The following FN3KRP variants were observed in gnomAD, a reference collection of about 807,000 sequenced individuals.
The protein encoded by FN3KRP is ketosamine-3-kinase.
Under a neutral mutation model 29.8 loss-of-function variants are expected in FN3KRP, and 33 were observed. That is an observed-to-expected ratio of 1.11 (90% confidence interval 0.84 to 1.48). The LOEUF (loss-of-function observed/expected upper bound fraction) is 1.48, where lower values mean the gene tolerates loss of function less well. Ranked by LOEUF, FN3KRP falls within the 40% of genes most tolerant of loss-of-function variation. FN3KRP has a pLI of 0.00. For synonymous variants in FN3KRP, 157 were observed against 155.2 expected (o/e 1.01, Z -0.09); for missense variants, 430 against 402.6 (o/e 1.07, Z -0.58).
At chr17:82,723,592 T>C (rs74000023) in intron 4 of FN3KRP, among the ~76,000 whole-genome samples, 2,067 of 152,162 alleles carry the variant, frequency 0.014, 18 homozygotes, top group African/African-American at 0.027. Context: ...TGCATATGTG[T>C]GCATGTGTAT....
chr17:82,718,943 C>T lies in FN3KRP; in HGVS notation c.179C>T (p.Thr60Ile), dbSNP rs772306011. ...TTTGAAGGTGAGATGGCAAGTTTAACTGCCATCCTGAAAACAAACACGGTG... is the reference window on the plus strand; with the variant it reads ...TTTGAAGGTGAGATGGCAAGTTTAATTGCCATCCTGAAAACAAACACGGTG... ...RMFEGEMASL[T>I]AILKTNTVKV... Residue 60 changes from threonine (T) to isoleucine (I), a missense_variant, in exon 2 of 6, where the codon ACT becomes ATT. Coordinates refer to ENST00000269373, the MANE Select transcript of FN3KRP (RefSeq NM_024619.4). The T allele has an allele frequency of 1.2e-6, 2 of 1,614,168 alleles. No individual in the cohort carries two copies. The highest frequency in any genetic ancestry group is 4.5e-5 in the East Asian group (2 of 44,886).
chr17:82,719,711 C>T (rs12946071), intron 2 of FN3KRP, among the ~76,000 whole-genome samples: 29,243 of 151,266 alleles, frequency 0.19, 2,907 homozygotes, highest in Admixed American at 0.24. Flanking sequence ...GCTGAGATCG[C>T]ACCACTGCAC....
At position 82,726,514 on chromosome 17, in the gene FN3KRP, A is replaced by G. The variant is rs776142407; in HGVS notation, c.503A>G (p.Tyr168Cys). 1.9e-6 allele frequency: 3 copies of G among 1,614,116 alleles called. No individual in the cohort carries two copies. Among genetic ancestry groups the G allele is most frequent in the East Asian group, 2.2e-5 (1 of 44,872 alleles). Residue 168 changes from tyrosine to cysteine, a missense_variant, in exon 5 of 6, where the codon TAT becomes TGT. Tyr to Cys is a radical substitution (Grantham distance 194). Coordinates refer to ENST00000269373, the MANE Select transcript of FN3KRP (RefSeq NM_024619.4). The stretch of plus-strand genomic sequence containing the variant: ...TGGCAGGAGGACTGGGTCGTGTTCT[A>G]TGCCCGGCAGCGCATTCAGCCCCAG... Reference protein sequence around the residue: ...NDWQEDWVVFYARQRIQPQMD... With the variant: ...NDWQEDWVVFCARQRIQPQMD...
At position 82,716,707 on chromosome 17, in the gene FN3KRP, T is replaced by C. The variant is rs2046755635; in HGVS notation, c.-49T>C. 7.0e-7 allele frequency: 1 copy of C among 1,426,976 alleles called. No homozygotes were observed. The highest frequency in any genetic ancestry group is 9.1e-7 in the Non-Finnish European group (1 of 1,095,226). The allele number at this position is 1,426,976 out of a possible 1,614,324, so 88.4% of individuals were successfully genotyped here. A position where few individuals can be genotyped will look rare whatever the true frequency, so the allele number is the denominator to read the frequency against. On this transcript the variant is annotated 5_prime_UTR_variant, in exon 1 of 6. Coordinates refer to ENST00000269373, the MANE Select transcript of FN3KRP (RefSeq NM_024619.4). ...CATGTTTGCCCGCTCGGCCGCCGTCTCTCGAGTCTCCGCCAGATCCGGGGC... is the reference window on the plus strand; with the variant it reads ...CATGTTTGCCCGCTCGGCCGCCGTCCCTCGAGTCTCCGCCAGATCCGGGGC...
intron 4 of FN3KRP, 138 bp from the exon 5 acceptor site, chr17:82,726,342 C>G (rs191819554): frequency 1.1e-5 from 11 of 1,035,284 alleles, no homozygotes; most frequent in South Asian, 4.6e-5. Context: ...GTGGTTCCCC[C>G]CTCAGGCTCC....
intron 3 of FN3KRP, among the ~76,000 whole-genome samples, chr17:82,722,421 C>T (rs1032946961): frequency 6.6e-6 from 1 of 152,254 alleles, no homozygotes; most frequent in Non-Finnish European, 1.5e-5. Flanking sequence ...TTAAGAACAT[C>T]CTCCCCTTTG....
rs191819554 is a variant in FN3KRP, at chr17:82,726,342, C to T, written c.469-138C>T. On this transcript the variant is annotated intron_variant, in intron 4 of 5. Transcript: ENST00000269373. ...GGTTCCTCCTGGGATGTGGTTCCCC[C>T]CTCAGGCTCCTGTGACTGCCACCCC... The T allele has an allele frequency of 3.6e-3, 3,744 of 1,035,224 alleles. 4 individuals carry two copies. The highest frequency in any genetic ancestry group is 4.5e-3 in the Non-Finnish European group (3,149 of 699,978). 64.1% of individuals were successfully genotyped at this position (1,035,224 alleles called of 1,614,324 possible).
intron 4 of FN3KRP, among the ~76,000 whole-genome samples, chr17:82,725,672 T>C (rs1262513800): frequency 6.6e-6 from 1 of 152,152 alleles, no homozygotes; most frequent in Non-Finnish European, 1.5e-5. Flanking sequence ...CTTTCAAAAT[T>C]TTAAATGGAC....
chr17:82,717,545 C>CCT (rs1334194166), intron 1 of FN3KRP, among the ~76,000 whole-genome samples: 1 of 151,762 alleles, frequency 6.6e-6, no homozygotes, highest in Non-Finnish European at 1.5e-5. Context: ...AGGTGAAACC[C>CCT]CCGTCTCTAT....
intron 4 of FN3KRP, among the ~76,000 whole-genome samples, chr17:82,724,699 T>C (rs992102499): frequency 6.6e-6 from 1 of 152,160 alleles, no homozygotes; most frequent in Non-Finnish European, 1.5e-5. Context: ...AAAAGTGTGC[T>C]GCATGTGTGC....
rs1168012677 is a variant in FN3KRP at position 82,718,755 on chromosome 17, G to A, written c.142-151G>A. 4 of 1,219,226 alleles carry A rather than the reference G, an allele frequency of 3.3e-6. No individual in the cohort carries two copies. The African/African-American group carries it at 4.5e-5, about 14-fold the overall frequency. The allele number at this position is 1,219,226 out of a possible 1,614,324, so 75.5% of individuals were successfully genotyped here. ...CCTGTAGCCTACCCTGTTGGCAAGT[G>A]TGTTTGAAAACACTGTCCATGTGTA... On this transcript the variant is annotated intron_variant, in intron 1 of 5. Transcript: ENST00000269373.
rs758772179 is a variant in FN3KRP at position 82,726,815 on chromosome 17, C to G, written c.592-18C>G. The G allele has an allele frequency of 2.0e-6, 3 of 1,523,414 alleles. No individual in the cohort carries two copies. Among genetic ancestry groups the G allele is most frequent in the Non-Finnish European group, 2.6e-6 (3 of 1,137,812 alleles). 94.4% of individuals were successfully genotyped at this position (1,523,414 alleles called of 1,614,324 possible). A position where few individuals can be genotyped will look rare whatever the true frequency, so the allele number is the denominator to read the frequency against. On this transcript the variant is annotated intron_variant, in intron 5 of 5. Transcript: ENST00000269373. The stretch of plus-strand genomic sequence containing the variant: ...ACGCGTTGATCAATTTGCTGAGGCT[C>G]CATTTTCCTCCCTGCAGTTAAAGAT...
chr17:82,724,076 T>C (rs762866731), intron 4 of FN3KRP, among the ~76,000 whole-genome samples: 6 of 152,068 alleles, frequency 3.9e-5, no homozygotes, highest in Non-Finnish European at 7.4e-5. Flanking sequence ...GAGGATTGCT[T>C]GAGCCCAGCA....
At position 82,726,531 on chromosome 17, in the gene FN3KRP, C is replaced by T. The variant is rs756425999; in HGVS notation, c.520C>T (p.Gln174Ter). 6 of 1,614,050 alleles carry T rather than the reference C, an allele frequency of 3.7e-6. No homozygotes were observed. Among genetic ancestry groups the T allele is most frequent in the Middle Eastern group, 1.6e-4 (1 of 6,084 alleles). Reference sequence around the variant, plus strand: ...CGTGTTCTATGCCCGGCAGCGCATTCAGCCCCAGATGGACATGGTGGAGAA... The same window carrying T: ...CGTGTTCTATGCCCGGCAGCGCATTTAGCCCCAGATGGACATGGTGGAGAA... ...WVVFYARQRI[Q>*]PQMDMVEKES... is the part of the protein sequence containing the mutation. Residue 174 changes from glutamine to a stop codon, truncating the protein, a stop_gained, in exon 5 of 6, where the codon CAG (glutamine) becomes TAG (stop). Transcript: ENST00000269373. LOFTEE classifies it high-confidence loss of function.
chr17:82,717,651 A>G (rs921128125), intron 1 of FN3KRP, among the ~76,000 whole-genome samples: 1 of 152,134 alleles, frequency 6.6e-6, no homozygotes, highest in Non-Finnish European at 1.5e-5. Context: ...CCCAGGAGGC[A>G]GAGGTTGCAG....
chr17:82,722,844 G>A lies in FN3KRP; in HGVS notation c.426G>A (p.Arg142=), dbSNP rs531592908. 13 of 1,614,136 alleles carry A rather than the reference G, an allele frequency of 8.1e-6. No homozygotes were observed. The highest frequency in any genetic ancestry group is 1.3e-5 in the African/African-American group (1 of 75,046). ...AGGAGGAACGGCCCTTTGTGGCCCG[G>A]TTTGGATTTGACGTGGTGACGTGCT... ...GGQEERPFVA[R]FGFDVVTCCG... The change falls in exon 4 of 6, where the codon CGG becomes CGA. Residue 142 remains arginine, a synonymous_variant. Transcript: ENST00000269373.
rs768132525 is a variant in FN3KRP at position 82,719,061 on chromosome 17, C to G, written c.293+4C>G. ...TGGACATGAGGCATCTGAGCAGGTGCATCTTCACACCACCCCCCACCTGGC... is the reference window on the plus strand; with the variant it reads ...TGGACATGAGGCATCTGAGCAGGTGGATCTTCACACCACCCCCCACCTGGC... On this transcript the variant is annotated splice_donor_region_variant and intron_variant, in intron 2 of 5. Transcript: ENST00000269373. The G allele has an allele frequency of 2.7e-6, 4 of 1,500,788 alleles. No homozygotes were observed. The South Asian group carries it at 4.7e-5, about 18-fold the overall frequency. 93.0% of individuals were successfully genotyped at this position (1,500,788 alleles called of 1,614,324 possible).
chr17:82,723,821 A>G (rs899433762), intron 4 of FN3KRP, among the ~76,000 whole-genome samples: 21 of 151,246 alleles, frequency 1.4e-4, no homozygotes, highest in African/African-American at 2.7e-4. Context: ...GTCCTTCTCA[A>G]TGGGGCTCCA....
At chr17:82,722,671 G>A in intron 3 of FN3KRP, 133 bp from the exon 4 acceptor site, 2 of 729,666 alleles carry the variant, frequency 2.7e-6, no homozygotes, top group Non-Finnish European at 4.6e-6. Context: ...GGAGACCCAG[G>A]CCCTGTTTGT....
Sources: allele counts gnomAD v4.1 joint callset (sites outside exome capture counted in the v4.1 genomes callset), GRCh38; gene constraint gnomAD v4.1.1; transcripts MANE v1.5; gene names NCBI Gene and HGNC (gene_info 2026-07-23, HGNC 2026-07-21).